The following FMN2 variants were observed in gnomAD, a reference collection of about 807,000 sequenced individuals.
FMN2 encodes formin-2.
FMN2 carries 51 observed loss-of-function variants against 142.3 expected under a neutral mutation model. The observed-to-expected ratio is 0.36, with a 90% CI of 0.29 to 0.45. The LOEUF (loss-of-function observed/expected upper bound fraction) is 0.45. FMN2 is among the 20% of genes least tolerant of loss of function. The probability of loss-of-function intolerance (pLI) is 1.00; values close to 1 mark genes in which losing one functional copy is unlikely to be tolerated. For synonymous variants in FMN2, 882 were observed against 869.8 expected (o/e 1.01, Z -0.25); for missense variants, 1,936 against 2,122.8 (o/e 0.91, Z 1.73).
rs552390368 is a variant in FMN2, at chr1:240,468,579, A to G, written c.5061-3793A>G. ...TACTTTCTCCTCCTTCCCAAACAGGACATATTGGTCATTTTAATTTATTGT... is the reference window on the plus strand; with the variant it reads ...TACTTTCTCCTCCTTCCCAAACAGGGCATATTGGTCATTTTAATTTATTGT... On this transcript the variant is annotated intron_variant, in intron 16 of 17. Coordinates refer to ENST00000319653, the MANE Select transcript of FMN2 (RefSeq NM_020066.5). Among the ~76,000 whole-genome samples, 9 of 152,270 alleles carry G rather than the reference A, an allele frequency of 5.9e-5. No homozygotes were observed. In the East Asian group the frequency reaches 1.5e-3, roughly 26 times the overall value.
intron 16 of FMN2, among the ~76,000 whole-genome samples, chr1:240,460,603 G>T (rs1316757395): frequency 1.3e-5 from 2 of 151,804 alleles, no homozygotes; most frequent in African/African-American, 4.8e-5. Flanking sequence ...TCGAACGATT[G>T]TAAGTGAATA....
At chr1:240,146,403 A>C (rs1663481150) in intron 2 of FMN2, among the ~76,000 whole-genome samples, 1 of 149,436 alleles carries the variant, frequency 6.7e-6, no homozygotes, top group African/African-American at 2.5e-5. Context: ...CAAAAAAAAA[A>C]AAAAAAAAAA....
intron 8 of FMN2, among the ~76,000 whole-genome samples, chr1:240,320,752 C>G (rs555393004): frequency 6.6e-6 from 1 of 152,190 alleles, no homozygotes; most frequent in South Asian, 2.1e-4. Context: ...CCGTGGATGC[C>G]CAGGGATTCC....
chr1:240,362,059 G>A (rs1672503785), intron 14 of FMN2, among the ~76,000 whole-genome samples: 1 of 152,178 alleles, frequency 6.6e-6, no homozygotes, highest in Non-Finnish European at 1.5e-5. Context: ...ATATGAAGGT[G>A]GGGGTCAGTG....
chr1:240,202,404 G>A (rs537176225), intron 4 of FMN2, among the ~76,000 whole-genome samples: 63 of 152,260 alleles, frequency 4.1e-4, no homozygotes, highest in African/African-American at 1.4e-3. Context: ...GAACTAGCTG[G>A]CCTGTGATGT....
chr1:240,425,037 G>C (rs1674888611), intron 15 of FMN2, among the ~76,000 whole-genome samples: 1 of 152,178 alleles, frequency 6.6e-6, no homozygotes, highest in South Asian at 2.1e-4. Flanking sequence ...TGGAGGGAGA[G>C]CCATAGTTAT....
intron 8 of FMN2, among the ~76,000 whole-genome samples, chr1:240,316,923 T>C (rs1308161818): frequency 6.6e-6 from 1 of 152,188 alleles, no homozygotes; most frequent in Non-Finnish European, 1.5e-5. Flanking sequence ...CATGCACTCC[T>C]ACTGGGTGTG....
At position 240,277,763 on chromosome 1, in the gene FMN2, G is replaced by A. The variant is rs533728721; in HGVS notation, c.4154-17059G>A. On this transcript the variant is annotated intron_variant, in intron 7 of 17. Transcript: ENST00000319653. The stretch of plus-strand genomic sequence containing the variant: ...TTGGCCAGCCTGGTTTTGAACTCCC[G>A]ACCTCAAGTGATCCGCCCGTCTTGG... 5.9e-5 allele frequency among the ~76,000 whole-genome samples: 9 copies of A among 151,798 alleles called. No homozygotes were observed. In the South Asian group the frequency reaches 1.0e-3, roughly 18 times the overall value.
intron 15 of FMN2, among the ~76,000 whole-genome samples, chr1:240,437,497 T>C (rs1474504638): frequency 1.3e-5 from 2 of 151,976 alleles, no homozygotes; most frequent in East Asian, 1.9e-4. Context: ...AGAGACAGGG[T>C]TTCACCGTGT....
chr1:240,213,275 T>C (rs903817256), intron 6 of FMN2, among the ~76,000 whole-genome samples: 1 of 152,194 alleles, frequency 6.6e-6, no homozygotes. Flanking sequence ...GTGACGCTAC[T>C]GTTGACCTTC....
chr1:240,303,684 A>G (rs1307321088), intron 8 of FMN2, among the ~76,000 whole-genome samples: 1 of 152,052 alleles, frequency 6.6e-6, no homozygotes, highest in Non-Finnish European at 1.5e-5. Flanking sequence ...AGCTTCTTGG[A>G]TGTTTATGTT....
At chr1:240,116,269 G>A (rs148764931) in intron 1 of FMN2, among the ~76,000 whole-genome samples, 91 of 152,230 alleles carry the variant, frequency 6.0e-4, no homozygotes, top group African/African-American at 2.1e-3. Context: ...CATGCATTCC[G>A]TCCAGGTATG....
intron 2 of FMN2, among the ~76,000 whole-genome samples, chr1:240,133,743 T>A (rs1051351762): frequency 6.6e-6 from 1 of 152,242 alleles, no homozygotes; most frequent in African/African-American, 2.4e-5. Context: ...CAGAGTTAGA[T>A]GCCATTCCTT....
At chr1:240,450,140 A>C (rs1675960081) in intron 16 of FMN2, among the ~76,000 whole-genome samples, 1 of 152,160 alleles carries the variant, frequency 6.6e-6, no homozygotes, top group South Asian at 2.1e-4. Context: ...ATGATTTTGC[A>C]ATTTTTAAGA....
chr1:240,416,974 A>T (rs1018987137), intron 15 of FMN2, among the ~76,000 whole-genome samples: 1 of 151,910 alleles, frequency 6.6e-6, no homozygotes, highest in African/African-American at 2.4e-5. Context: ...TTTTAAATGT[A>T]GAATAGATTT....
intron 3 of FMN2, among the ~76,000 whole-genome samples, chr1:240,186,051 G>T (rs747012524): frequency 6.6e-6 from 1 of 152,142 alleles, no homozygotes; most frequent in African/African-American, 2.4e-5. Context: ...TGGGAAAATG[G>T]TTGTATTTTA....
intron 8 of FMN2, among the ~76,000 whole-genome samples, chr1:240,299,211 G>A (rs1670105593): frequency 6.6e-6 from 1 of 152,240 alleles, no homozygotes; most frequent in Non-Finnish European, 1.5e-5. Context: ...ACCTTACAAA[G>A]TGCTGGGATT....
rs1660998506 is a variant in FMN2 at position 240,092,217 on chromosome 1, G to A, written c.108G>A (p.Lys36=). 1 of 1,555,458 alleles carries A rather than the reference G, an allele frequency of 6.4e-7. No individual in the cohort carries two copies. The highest frequency in any genetic ancestry group is 8.7e-7 in the Non-Finnish European group (1 of 1,147,572). ...GGCCCAGGGATGTGGAAGCCACAAAGAAGGGGAGCGGGGGCAAGAAGGCGC... is the reference window on the plus strand; with the variant it reads ...GGCCCAGGGATGTGGAAGCCACAAAAAAGGGGAGCGGGGGCAAGAAGGCGC... ...ALGPRDVEAT[K]KGSGGKKALG... Residue 36 remains lysine, a synonymous_variant, in exon 1 of 18, where the codon AAG becomes AAA. Transcript: ENST00000319653.
intron 7 of FMN2, among the ~76,000 whole-genome samples, chr1:240,290,003 C>T (rs1669722328): frequency 6.6e-6 from 1 of 152,116 alleles, no homozygotes; most frequent in African/African-American, 2.4e-5. Flanking sequence ...ACAAAGGCAG[C>T]CACGGAGGAG....
Sources: allele counts gnomAD v4.1 joint callset (sites outside exome capture counted in the v4.1 genomes callset), GRCh38; gene constraint gnomAD v4.1.1; transcripts MANE v1.5; gene names NCBI Gene and HGNC (gene_info 2026-07-23, HGNC 2026-07-21).